Variants in DCT observed in about 807,000 individuals in gnomAD.
The protein encoded by DCT is L-dopachrome tautomerase.
Under a neutral mutation model 53.0 loss-of-function variants are expected in DCT, and 47 were observed. The ratio of observed to expected loss-of-function variants is 0.89; its 90% confidence interval spans 0.70 to 1.13. DCT has a LOEUF of 1.13. Among genes scored for constraint, DCT ranks in the 50% most tolerant of loss-of-function variants. DCT has a pLI of 0.00. For missense variants in DCT, 669 were observed against 637.4 expected (o/e 1.05, Z -0.53); for synonymous variants, 244 against 237.0 (o/e 1.03, Z -0.27).
chr13:94,441,932 T>C (rs887654918), intron 7 of DCT, among the ~76,000 whole-genome samples: 10 of 152,206 alleles, frequency 6.6e-5, no homozygotes, highest in South Asian at 4.1e-4. Context: ...CTGTTTTCCA[T>C]AGTGGCTGCA....
chr13:94,491,454 G>T, the DCT span, among the ~76,000 whole-genome samples: 1 of 152,128 alleles, frequency 6.6e-6, no homozygotes, highest in Non-Finnish European at 1.5e-5. Flanking sequence ...ATTATTACCT[G>T]CAATGACCTG....
the DCT span, among the ~76,000 whole-genome samples, chr13:94,501,903 G>A: frequency 6.6e-6 from 1 of 152,204 alleles, no homozygotes; most frequent in Admixed American, 6.5e-5. Flanking sequence ...GCAGCCCAAA[G>A]TTCGCTATCT....
chr13:94,517,801 AG>A, the DCT span, among the ~76,000 whole-genome samples: 1 of 152,222 alleles, frequency 6.6e-6, no homozygotes, highest in Non-Finnish European at 1.5e-5. Context: ...AAAGCATGCT[AG>A]TAGCAAAATA....
intron 1 of DCT, among the ~76,000 whole-genome samples, chr13:94,474,315 AAC>A (rs1884940119): frequency 1.3e-5 from 2 of 152,238 alleles, no homozygotes; most frequent in South Asian, 4.1e-4. Flanking sequence ...GCATCAGCTC[AAC>A]CTCAGAAAGC....
At chr13:94,524,662 G>A in the DCT span, among the ~76,000 whole-genome samples, 1 of 152,168 alleles carries the variant, frequency 6.6e-6, no homozygotes, top group East Asian at 1.9e-4. Context: ...AGAATTAAAA[G>A]CGTCTTTTCT....
chr13:94,454,961 T>C (rs1479248838), intron 6 of DCT, among the ~76,000 whole-genome samples: 1 of 152,172 alleles, frequency 6.6e-6, no homozygotes, highest in Non-Finnish European at 1.5e-5. Flanking sequence ...AATTTTAACA[T>C]TAAGCACATT....
Position 94,479,354 on chromosome 13 carries a change from ATTT to A in DCT, c.-102_-100del. ...ACTCTTTCAGTCTTTTCTTTTCAGT[ATTT>A]TTTATTTTTCTTTGCTTTCTATTCC... On this transcript the variant is annotated 5_prime_UTR_variant, in exon 1 of 8. Transcript: ENST00000377028. 3.5e-6 allele frequency: 4 copies of A among 1,143,970 alleles called. No homozygotes were observed. The highest frequency in any genetic ancestry group is 3.6e-6 in the Non-Finnish European group (3 of 825,860). The allele number at this position is 1,143,970 out of a possible 1,614,324, so 70.9% of individuals were successfully genotyped here.
chr13:94,473,938 T>G (rs1884912364), intron 1 of DCT, among the ~76,000 whole-genome samples: 1 of 152,190 alleles, frequency 6.6e-6, no homozygotes, highest in Non-Finnish European at 1.5e-5. Context: ...GAAGAATTTG[T>G]TGAAATGCTG....
the DCT span, among the ~76,000 whole-genome samples, chr13:94,502,517 C>T: frequency 6.6e-6 from 1 of 152,194 alleles, no homozygotes; most frequent in Non-Finnish European, 1.5e-5. Flanking sequence ...ACTATTGCAC[C>T]TGCGTTCAGT....
chr13:94,481,952 C>A (rs1885460720), upstream of DCT, among the ~76,000 whole-genome samples: 1 of 152,212 alleles, frequency 6.6e-6, no homozygotes, highest in South Asian at 2.1e-4. Context: ...GCATGTGCTA[C>A]TCAAAGTGTG....
intron 7 of DCT, among the ~76,000 whole-genome samples, chr13:94,441,295 G>T (rs1251648523): frequency 6.6e-6 from 1 of 152,054 alleles, no homozygotes; most frequent in African/African-American, 2.4e-5. Context: ...AAAAATGGTT[G>T]CCTTTTGCTT....
chr13:94,509,128 G>A, the DCT span, among the ~76,000 whole-genome samples: 3 of 152,132 alleles, frequency 2.0e-5, no homozygotes, highest in Admixed American at 6.5e-5. Flanking sequence ...ATGGGTATTT[G>A]GAAATAAGAG....
intron 5 of DCT, among the ~76,000 whole-genome samples, chr13:94,460,702 A>G (rs976488973): frequency 6.6e-5 from 10 of 152,100 alleles, no homozygotes; most frequent in Admixed American, 3.3e-4. Flanking sequence ...TGAGGTTACA[A>G]TTAGCCATGA....
At position 94,478,978 on chromosome 13, in the gene DCT, C is replaced by G. The variant is rs151208955; in HGVS notation, c.278G>C (p.Arg93Pro). 4 of 1,611,122 alleles carry G rather than the reference C, an allele frequency of 2.5e-6. No individual in the cohort carries two copies. Among genetic ancestry groups the G allele is most frequent in the Non-Finnish European group, 3.4e-6 (4 of 1,177,928 alleles). Residue 93 changes from arginine (R) to proline (P), a missense_variant, in exon 1 of 8, where the codon CGG (arginine) becomes CCG (proline). Physicochemically the swap from Arg to Pro is moderately radical, Grantham distance 103. Transcript: ENST00000377028. ...RELWPRKFFH[R>P]TCKCTGNFAG... ...GGCCTCACCTGTGCACTTGCAGGTCCGGTGGAAGAATTTTCTTGGCCACAG... is the reference window on the plus strand; with the variant it reads ...GGCCTCACCTGTGCACTTGCAGGTCGGGTGGAAGAATTTTCTTGGCCACAG...
At chr13:94,477,553 G>A (rs1354047741) in intron 1 of DCT, among the ~76,000 whole-genome samples, 2 of 152,304 alleles carry the variant, frequency 1.3e-5, no homozygotes, top group Middle Eastern at 3.4e-3. Flanking sequence ...CACACTACCT[G>A]GGTGACAGGA....
the DCT span, among the ~76,000 whole-genome samples, chr13:94,515,273 A>G: frequency 1.3e-5 from 2 of 152,218 alleles, no homozygotes; most frequent in East Asian, 3.8e-4. Context: ...TTCAAGGGGG[A>G]TACAGAAGGC....
At chr13:94,443,765 G>T in intron 6 of DCT, 128 bp from the exon 7 acceptor site, 1 of 684,626 alleles carries the variant, frequency 1.5e-6, no homozygotes, top group Non-Finnish European at 2.5e-6. Flanking sequence ...CCCATGTGTG[G>T]AATACCCCCT....
chr13:94,438,744 A>G lies in DCT; in HGVS notation c.*1154T>C. The G allele has an allele frequency of 2.3e-6, 1 of 437,750 alleles. No homozygotes were observed. The highest frequency in any genetic ancestry group is 2.5e-5 in the Admixed American group (1 of 40,554). The allele number at this position is 437,750 out of a possible 1,614,324, so 27.1% of individuals were successfully genotyped here. A position where few individuals can be genotyped will look rare whatever the true frequency, so the allele number is the denominator to read the frequency against. On this transcript the variant is annotated 3_prime_UTR_variant, in exon 8 of 8. Coordinates refer to ENST00000377028, the MANE Select transcript of DCT (RefSeq NM_001922.5). ...CATTCTTATTCCTCATGATCTGATG[A>G]TTGCATAGCAGAATATAACCACTTA...
the DCT span, among the ~76,000 whole-genome samples, chr13:94,514,697 T>C: frequency 1.3e-5 from 2 of 152,072 alleles, no homozygotes; most frequent in Non-Finnish European, 2.9e-5. Flanking sequence ...TCCCTCAATA[T>C]GGCTGCAGGG....
Sources: allele counts gnomAD v4.1 joint callset (sites outside exome capture counted in the v4.1 genomes callset), GRCh38; gene constraint gnomAD v4.1.1; transcripts MANE v1.5; gene names NCBI Gene and HGNC (gene_info 2026-07-23, HGNC 2026-07-21).